ATP2B2: variants seen among roughly 807,000 people sequenced by gnomAD.
ATP2B2 encodes the protein ATPase plasma membrane Ca2+ transporting 2, also known as plasma membrane calcium-transporting ATPase 2.
ATP2B2 carries 15 observed loss-of-function variants against 120.0 expected under a neutral mutation model. The observed-to-expected ratio is 0.12, with a 90% confidence interval of 0.08 to 0.19. The LOEUF is 0.19. Among genes scored for constraint, ATP2B2 ranks in the 10% least tolerant of loss-of-function variants. The probability of loss-of-function intolerance (pLI) is 1.00; values close to 1 mark genes in which losing one functional copy is unlikely to be tolerated. For synonymous variants in ATP2B2, 694 were observed against 700.3 expected, an observed-to-expected ratio of 0.99 and a Z score of 0.14; for missense variants, 1,045 against 1,719.8, an observed-to-expected ratio of 0.61 and a Z score of 6.94.
At chr3:10,507,575 A>C (rs555513348), upstream of ATP2B2, among the ~76,000 whole-genome samples, 1 of 152,150 alleles carries the variant, frequency 6.6e-6, no homozygotes, top group Non-Finnish European at 1.5e-5. Context: ...GCCAGCCTAC[A>C]TGTCTGTGCC....
chr3:10,416,008 T>G (rs1038257661), intron 2 of ATP2B2, among the ~76,000 whole-genome samples: 1 of 152,136 alleles, frequency 6.6e-6, no homozygotes, highest in African/African-American at 2.4e-5. Context: ...ATTCATAAAA[T>G]GGGAACAAAA....
At chr3:10,563,621 C>T (rs934843266) in intron 2 of ATP2B2, among the ~76,000 whole-genome samples, 9 of 152,270 alleles carry the variant, frequency 5.9e-5, no homozygotes, top group African/African-American at 2.2e-4. Context: ...GCTGCACAGT[C>T]TGACTACAGA....
chr3:10,564,404 C>T (rs1575501276), intron 2 of ATP2B2, among the ~76,000 whole-genome samples: 2 of 152,156 alleles, frequency 1.3e-5, no homozygotes, highest in African/African-American at 4.8e-5. Flanking sequence ...TCTGCTCCAC[C>T]GGTGGCTATT....
intron 19 of ATP2B2, among the ~76,000 whole-genome samples, chr3:10,341,531 G>A (rs1419634873): frequency 5.9e-5 from 9 of 152,122 alleles, no homozygotes; most frequent in South Asian, 2.1e-4. Context: ...TGCTGGTCTC[G>A]AATTCCTGAC....
chr3:10,633,141 G>A (rs2069916681), intron 1 of ATP2B2, among the ~76,000 whole-genome samples: 1 of 152,250 alleles, frequency 6.6e-6, no homozygotes, highest in African/African-American at 2.4e-5. Flanking sequence ...TCCCAGCTGT[G>A]TGACCTTGGA....
intron 2 of ATP2B2, among the ~76,000 whole-genome samples, chr3:10,578,929 G>C (rs2068318567): frequency 6.6e-6 from 1 of 152,232 alleles, no homozygotes; most frequent in Non-Finnish European, 1.5e-5. Flanking sequence ...CACTGGGAAG[G>C]GGCGGTGGCC....
At chr3:10,383,917 C>T (rs185605202) in intron 8 of ATP2B2, among the ~76,000 whole-genome samples, 61 of 152,260 alleles carry the variant, frequency 4.0e-4, no homozygotes, top group African/African-American at 1.3e-3. Flanking sequence ...GGCTCACTGC[C>T]GGGGTGAAGT....
At chr3:10,384,738 G>T (rs1186981318) in intron 8 of ATP2B2, among the ~76,000 whole-genome samples, 1 of 152,238 alleles carries the variant, frequency 6.6e-6, no homozygotes, top group African/African-American at 2.4e-5. Context: ...CTCCGTGAAA[G>T]AGAAGAGGAA....
intron 12 of ATP2B2, among the ~76,000 whole-genome samples, chr3:10,364,643 G>A (rs1489280547): frequency 6.6e-6 from 1 of 151,980 alleles, no homozygotes; most frequent in African/African-American, 2.4e-5. Flanking sequence ...CCCGGGAGGC[G>A]GAGGTTGCAG....
In ATP2B2 at chr3:10,650,543, G is replaced by A. The variant is rs141185919; in HGVS notation, c.-459-30582C>T. Among the ~76,000 whole-genome samples the A allele has an allele frequency of 5.7e-3, 863 of 152,292 alleles. 11 individuals are homozygous for A. Among genetic ancestry groups the A allele is most frequent in the African/African-American group, 0.02 (814 of 41,562 alleles). On this transcript the variant is annotated intron_variant, in intron 1 of 21. Coordinates refer to the ATP2B2 transcript ENST00000646379. ...TTTCTGAGGAGAAATTCAAGCCAGC[G>A]GCAGAAATTTGCATAAGTAACAAGG...
At chr3:10,513,903 A>AC (rs1182142036) in intron 3 of ATP2B2, among the ~76,000 whole-genome samples, 3 of 151,130 alleles carry the variant, frequency 2.0e-5, no homozygotes, top group Admixed American at 6.6e-5. Context: ...TTTTTTCCCA[A>AC]CCCCCCAGGG....
At chr3:10,405,142 C>A (rs2160871) in intron 3 of ATP2B2, among the ~76,000 whole-genome samples, 1 of 152,064 alleles carries the variant, frequency 6.6e-6, no homozygotes, top group African/African-American at 2.4e-5. Context: ...GATAACCCAA[C>A]GGATTTGTGA....
chr3:10,559,288 T>C (rs1487567198), intron 2 of ATP2B2, among the ~76,000 whole-genome samples: 1 of 152,148 alleles, frequency 6.6e-6, no homozygotes, highest in African/African-American at 2.4e-5. Flanking sequence ...GGTTAGTTAA[T>C]GGATAGGAGG....
chr3:10,437,206 C>T (rs927942383), intron 2 of ATP2B2, among the ~76,000 whole-genome samples: 2 of 151,796 alleles, frequency 1.3e-5, no homozygotes, highest in Non-Finnish European at 2.9e-5. Flanking sequence ...GCGCAAGATG[C>T]CTCCCTCTCT....
Position 10,462,549 on chromosome 3 carries a change from A to G in ATP2B2, c.-319-12687T>C, listed in dbSNP as rs572143634. Among the ~76,000 whole-genome samples, 55 of 152,336 alleles carry G rather than the reference A, an allele frequency of 3.6e-4. 1 individual carries two copies. The South Asian group carries it at 5.2e-3, about 14-fold the overall frequency. ...TCAGAGGCTGTGTGAGGCTCTGCTC[A>G]TACCTTATCCCTCAACAACCCCATG... is the stretch of plus-strand genomic sequence containing the variant. On this transcript the variant is annotated intron_variant, in intron 1 of 22. Coordinates refer to ENST00000360273, the MANE Select transcript of ATP2B2 (RefSeq NM_001001331.4).
chr3:10,692,394 A>T (rs1470780414), intron 1 of ATP2B2, among the ~76,000 whole-genome samples: 1 of 152,170 alleles, frequency 6.6e-6, no homozygotes, highest in Non-Finnish European at 1.5e-5. Flanking sequence ...GGCCTCGCAG[A>T]CTTTTTCTGC....
At chr3:10,579,953 C>T (rs1348550778) in intron 2 of ATP2B2, among the ~76,000 whole-genome samples, 1 of 152,220 alleles carries the variant, frequency 6.6e-6, no homozygotes, top group Non-Finnish European at 1.5e-5. Flanking sequence ...TCTAACGCCT[C>T]CTGGCAGGTG....
At chr3:10,689,212 A>C (rs561318521) in intron 1 of ATP2B2, among the ~76,000 whole-genome samples, 1 of 152,288 alleles carries the variant, frequency 6.6e-6, no homozygotes, top group African/African-American at 2.4e-5. Context: ...ACCGTTAGCC[A>C]TTCTGAGCCT....
chr3:10,656,344 T>C (rs554913284), intron 1 of ATP2B2, among the ~76,000 whole-genome samples: 3 of 152,304 alleles, frequency 2.0e-5, no homozygotes, highest in South Asian at 2.1e-4. Context: ...CATTTCAGGA[T>C]TGACAGCCAA....
Sources: allele counts gnomAD v4.1 joint callset (sites outside exome capture counted in the v4.1 genomes callset), GRCh38; gene constraint gnomAD v4.1.1; transcripts MANE v1.5; gene names NCBI Gene and HGNC (gene_info 2026-07-23, HGNC 2026-07-21).